CYP7B1: variants seen among roughly 807,000 people sequenced by gnomAD.
CYP7B1 encodes the protein cytochrome P450 family 7 subfamily B member 1, also known as cytochrome P450 7B1.
CYP7B1 carries 29 observed loss-of-function variants against 42.7 expected under a neutral mutation model. The ratio of observed to expected loss-of-function variants is 0.68; its 90% confidence interval spans 0.51 to 0.93. The LOEUF (loss-of-function observed/expected upper bound fraction) is 0.93. Ranked by LOEUF, CYP7B1 falls within the 40% of genes least tolerant of loss-of-function variation. CYP7B1 has a pLI of 0.00. For synonymous variants in CYP7B1, 235 were observed against 218.2 expected (o/e 1.08, Z -0.68); for missense variants, 655 against 600.5 (o/e 1.09, Z -0.95).
chr8:64,775,714 T>C (rs1804313451), intron 1 of CYP7B1, among the ~76,000 whole-genome samples: 1 of 152,118 alleles, frequency 6.6e-6, no homozygotes, highest in Non-Finnish European at 1.5e-5. Flanking sequence ...CAGTGAACTT[T>C]GTCTGGGAGA....
intron 5 of CYP7B1, among the ~76,000 whole-genome samples, chr8:64,600,568 T>A (rs543096305): frequency 6.6e-6 from 1 of 152,302 alleles, no homozygotes; most frequent in African/African-American, 2.4e-5. Flanking sequence ...CTTAGCAAGA[T>A]GGCAGAGTAC....
intron 1 of CYP7B1, among the ~76,000 whole-genome samples, chr8:64,668,897 A>C (rs754309196): frequency 2.4e-4 from 37 of 152,146 alleles, no homozygotes; most frequent in South Asian, 1.9e-3. Context: ...ATCCAAGGCC[A>C]ATATTAAGTA....
chr8:64,782,032 C>A (rs1165373431), intron 1 of CYP7B1, among the ~76,000 whole-genome samples: 1 of 152,126 alleles, frequency 6.6e-6, no homozygotes, highest in East Asian at 1.9e-4. Context: ...CGATGATGTT[C>A]ATTTCCATCT....
chr8:64,682,900 G>A (rs1046079263), intron 1 of CYP7B1, among the ~76,000 whole-genome samples: 6 of 152,148 alleles, frequency 3.9e-5, no homozygotes, highest in Non-Finnish European at 8.8e-5. Context: ...TTTCTATCAA[G>A]AATGCTTCTT....
intron 1 of CYP7B1, among the ~76,000 whole-genome samples, chr8:64,662,952 C>G (rs1337045100): frequency 6.6e-6 from 1 of 152,198 alleles, no homozygotes; most frequent in Non-Finnish European, 1.5e-5. Context: ...TTCCCTCATT[C>G]CTTTTTCTCC....
intron 1 of CYP7B1, among the ~76,000 whole-genome samples, chr8:64,731,893 G>A (rs934620057): frequency 6.6e-6 from 1 of 152,220 alleles, no homozygotes; most frequent in Non-Finnish European, 1.5e-5. Flanking sequence ...TGGCTTCCAC[G>A]TGGTGTTTGG....
At chr8:64,667,357 T>C (rs1459205189) in intron 1 of CYP7B1, among the ~76,000 whole-genome samples, 3 of 152,140 alleles carry the variant, frequency 2.0e-5, no homozygotes, top group Non-Finnish European at 4.4e-5. Flanking sequence ...AAATGCACCA[T>C]TACTCGGAGC....
intron 1 of CYP7B1, among the ~76,000 whole-genome samples, chr8:64,781,326 T>C (rs1192605311): frequency 6.6e-6 from 1 of 152,150 alleles, no homozygotes; most frequent in Non-Finnish European, 1.5e-5. Flanking sequence ...TTTCTAAGAA[T>C]GTTATAACAA....
chr8:64,649,229 C>A (rs1207489759), intron 1 of CYP7B1, among the ~76,000 whole-genome samples: 1 of 152,152 alleles, frequency 6.6e-6, no homozygotes, highest in East Asian at 1.9e-4. Flanking sequence ...CTCCCCCAAG[C>A]CCTTGGCAAC....
chr8:64,590,161 C>T (rs1333201532), downstream of CYP7B1, among the ~76,000 whole-genome samples: 1 of 152,080 alleles, frequency 6.6e-6, no homozygotes, highest in South Asian at 2.1e-4. Context: ...TAATTTATCC[C>T]AGTTGGTAAA....
chr8:64,638,578 T>C (rs1244530812), intron 1 of CYP7B1, among the ~76,000 whole-genome samples: 3 of 152,106 alleles, frequency 2.0e-5, no homozygotes, highest in African/African-American at 4.8e-5. Flanking sequence ...GAGATAAGAA[T>C]AGACAGAAGA....
At chr8:64,695,385 G>A (rs1477837887) in intron 1 of CYP7B1, among the ~76,000 whole-genome samples, 2 of 152,196 alleles carry the variant, frequency 1.3e-5, no homozygotes, top group East Asian at 1.9e-4. Flanking sequence ...TACATTGGGC[G>A]GCGGGCTGAG....
intron 1 of CYP7B1, among the ~76,000 whole-genome samples, chr8:64,762,288 G>C (rs1280562212): frequency 6.6e-6 from 1 of 152,192 alleles, no homozygotes; most frequent in African/African-American, 2.4e-5. Flanking sequence ...TACTGAGGAT[G>C]TATTACAATT....
chr8:64,788,753 T>C (rs1585915726), intron 1 of CYP7B1, among the ~76,000 whole-genome samples: 2 of 152,230 alleles, frequency 1.3e-5, no homozygotes, highest in Non-Finnish European at 2.9e-5. Flanking sequence ...TTTAGAAATT[T>C]TGTGAGGTTT....
chr8:64,753,269 A>C (rs1276392256), intron 1 of CYP7B1, among the ~76,000 whole-genome samples: 1 of 152,190 alleles, frequency 6.6e-6, no homozygotes, highest in East Asian at 1.9e-4. Context: ...AATACCTACT[A>C]TCTGGGTTTG....
chr8:64,666,759 T>C (rs530260099), intron 1 of CYP7B1, among the ~76,000 whole-genome samples: 116 of 152,364 alleles, frequency 7.6e-4, no homozygotes, highest in Admixed American at 2.5e-3. Flanking sequence ...TTTAACATCA[T>C]GATTATTTGG....
rs1316372419 is a variant in CYP7B1 at position 64,596,595 on chromosome 8, T to A, written c.*47A>T. The A allele has an allele frequency of 2.6e-6, 4 of 1,522,600 alleles. No homozygotes were observed. In the Admixed American group the frequency reaches 5.4e-5, roughly 20 times the overall value. The allele number at this position is 1,522,600 out of a possible 1,614,324, so 94.3% of individuals were successfully genotyped here. ...TAAAAAGAAATAGATGAGCTTAGGATGTTTAGGGTAATTTTGATAGATTTA... is the reference window on the plus strand; with the variant it reads ...TAAAAAGAAATAGATGAGCTTAGGAAGTTTAGGGTAATTTTGATAGATTTA... On this transcript the variant is annotated 3_prime_UTR_variant, in exon 6 of 6. Coordinates refer to ENST00000310193, the MANE Select transcript of CYP7B1 (RefSeq NM_004820.5).
chr8:64,767,608 T>C (rs1227266239), intron 1 of CYP7B1, among the ~76,000 whole-genome samples: 1 of 152,216 alleles, frequency 6.6e-6, no homozygotes, highest in East Asian at 1.9e-4. Context: ...ACTTAGGCAT[T>C]GATAGCACCC....
intron 1 of CYP7B1, among the ~76,000 whole-genome samples, chr8:64,748,966 T>C (rs551261777): frequency 6.6e-5 from 10 of 152,338 alleles, no homozygotes; most frequent in Admixed American, 2.6e-4. Context: ...ACTCCAGAGA[T>C]GAAAGCACAA....
Sources: allele counts gnomAD v4.1 joint callset (sites outside exome capture counted in the v4.1 genomes callset), GRCh38; gene constraint gnomAD v4.1.1; transcripts MANE v1.5; gene names NCBI Gene and HGNC (gene_info 2026-07-23, HGNC 2026-07-21).